DDHD1: variants seen among roughly 807,000 people sequenced by gnomAD.
The protein encoded by DDHD1 is DDHD domain containing 1, also known as phospholipase DDHD1.
DDHD1 carries 49 observed loss-of-function variants against 96.4 expected under a neutral mutation model. That is an observed-to-expected ratio of 0.51 (90% CI 0.40 to 0.64). DDHD1 has a LOEUF of 0.64. Ranked by LOEUF, DDHD1 falls within the 30% of genes least tolerant of loss-of-function variation. The probability of loss-of-function intolerance (pLI) is 0.00; values close to 1 mark genes in which losing one functional copy is unlikely to be tolerated. For missense variants in DDHD1, 1,106 were observed against 1,161.2 expected, an observed-to-expected ratio of 0.95 and a Z score of 0.69; for synonymous variants, 442 against 446.5, an observed-to-expected ratio of 0.99 and a Z score of 0.13.
intron 3 of DDHD1, 69 bp downstream of exon 3, chr14:53,093,247 C>T (rs966911348): frequency 6.8e-7 from 1 of 1,475,984 alleles, no homozygotes; most frequent in South Asian, 1.4e-5. Context: ...TATGAATTGT[C>T]TATTTTGAAT....
At chr14:53,089,538 A>G (rs1371176556) in intron 4 of DDHD1, among the ~76,000 whole-genome samples, 5 of 152,228 alleles carry the variant, frequency 3.3e-5, no homozygotes, top group Non-Finnish European at 7.3e-5. Context: ...GATCTTTGAG[A>G]AACCTGACAA....
intron 6 of DDHD1, among the ~76,000 whole-genome samples, chr14:53,072,333 GA>G (rs1270138494): frequency 6.6e-6 from 1 of 151,926 alleles, no homozygotes; most frequent in Non-Finnish European, 1.5e-5. Context: ...AACAATCATA[GA>G]TATAATTAAT....
At chr14:53,100,923 G>C (rs1321420808) in intron 2 of DDHD1, among the ~76,000 whole-genome samples, 1 of 151,800 alleles carries the variant, frequency 6.6e-6, no homozygotes, top group Non-Finnish European at 1.5e-5. Flanking sequence ...ATGTCTTCTT[G>C]TACTTACTCT....
chr14:53,068,456 G>A (rs112279171), intron 6 of DDHD1, among the ~76,000 whole-genome samples: 266 of 152,098 alleles, frequency 1.7e-3, no homozygotes, highest in African/African-American at 6.2e-3. Context: ...TGGCTATGTT[G>A]TCCAGGCTGG....
intron 6 of DDHD1, among the ~76,000 whole-genome samples, chr14:53,068,197 T>C (rs1422994460): frequency 6.6e-6 from 1 of 151,986 alleles, no homozygotes; most frequent in African/African-American, 2.4e-5. Context: ...CTCTTTAGCA[T>C]CCTTTGATCA....
At chr14:53,114,252 G>A (rs933173809) in intron 1 of DDHD1, among the ~76,000 whole-genome samples, 2 of 152,186 alleles carry the variant, frequency 1.3e-5, no homozygotes, top group African/African-American at 2.4e-5. Context: ...CATCTCCCTC[G>A]GACACAGCAC....
In DDHD1 at chr14:53,046,872, G is replaced by A; in HGVS notation, c.2599C>T (p.His867Tyr). The change falls in exon 13 of 13, where the codon CAT (histidine) becomes TAT (tyrosine). Residue 867 changes from histidine to tyrosine, a missense_variant. His to Tyr is a moderately conservative substitution (Grantham distance 83). Transcript: ENST00000673822. ...ESRYWSAVTS[H>Y]TAYWSSLDVA... ...TCCAAGGATGACCAATAGGCAGTAT[G>A]CGACGTGACAGCTGACCAATAGCGG... 1 of 1,613,874 alleles carries A rather than the reference G, an allele frequency of 6.2e-7. No individual in the cohort carries two copies. The highest frequency in any genetic ancestry group is 8.5e-7 in the Non-Finnish European group (1 of 1,179,840).
At chr14:53,143,795 C>A (rs897050367) in intron 1 of DDHD1, among the ~76,000 whole-genome samples, 3 of 152,212 alleles carry the variant, frequency 2.0e-5, no homozygotes, top group African/African-American at 2.4e-5. Flanking sequence ...ACATTGATTT[C>A]TTTATTATGG....
chr14:53,037,215 A>G lies in DDHD1; in HGVS notation c.*9553T>C, dbSNP rs551888352. On this transcript the variant is annotated 3_prime_UTR_variant, in exon 13 of 13. Transcript: ENST00000673822. ...CGTTGATCTGTCTTTGCTACTGTGA[A>G]TAGCACTGTGATGACCATATGTGTT... 2 of 152,154 alleles carry G rather than the reference A, an allele frequency of 1.3e-5. No individual in the cohort carries two copies. Among genetic ancestry groups the G allele is most frequent in the Non-Finnish European group, 2.9e-5 (2 of 68,022 alleles). The allele number at this position is 152,154 out of a possible 1,614,324, so 9.4% of individuals were successfully genotyped here.
intron 1 of DDHD1, among the ~76,000 whole-genome samples, chr14:53,149,178 A>G (rs1265922417): frequency 6.6e-6 from 1 of 152,354 alleles, no homozygotes; most frequent in Non-Finnish European, 1.5e-5. Flanking sequence ...TTTATCTGCT[A>G]GTCAAGTTCA....
intron 1 of DDHD1, among the ~76,000 whole-genome samples, chr14:53,135,493 CA>C (rs1890167548): frequency 6.6e-6 from 1 of 152,250 alleles, no homozygotes; most frequent in Admixed American, 6.5e-5. Flanking sequence ...GTGAAATAAA[CA>C]GCCTTGTTGC....
chr14:53,142,088 A>C (rs548920519), intron 1 of DDHD1, among the ~76,000 whole-genome samples: 40 of 152,328 alleles, frequency 2.6e-4, no homozygotes, highest in African/African-American at 9.4e-4. Flanking sequence ...TAACTCTTGG[A>C]AGCAGGAATG....
chr14:53,099,422 G>A (rs776628912), intron 2 of DDHD1, among the ~76,000 whole-genome samples: 5 of 152,098 alleles, frequency 3.3e-5, no homozygotes, highest in African/African-American at 4.8e-5. Context: ...TCTATTCTGT[G>A]ACAAATTCCT....
chr14:53,059,207 A>C (rs1595097187), intron 8 of DDHD1, among the ~76,000 whole-genome samples: 1 of 152,084 alleles, frequency 6.6e-6, no homozygotes, highest in East Asian at 1.9e-4. Flanking sequence ...AAATGAACTA[A>C]AGCCAAGGTG....
At chr14:53,101,484 A>C (rs770771848) in intron 2 of DDHD1, among the ~76,000 whole-genome samples, 1 of 152,120 alleles carries the variant, frequency 6.6e-6, no homozygotes, top group Non-Finnish European at 1.5e-5. Flanking sequence ...TTTTCTTCTA[A>C]TGAACCTCAA....
At chr14:53,123,115 G>GTTGTTATTATTA (rs1212862445) in intron 1 of DDHD1, among the ~76,000 whole-genome samples, 1 of 138,456 alleles carries the variant, frequency 7.2e-6, no homozygotes, top group African/African-American at 2.7e-5. Context: ...GATAATTGCT[G>GTTGTTATTATTA]TTATTATTAT....
chr14:53,041,308 G>A lies in DDHD1; in HGVS notation c.*5460C>T, dbSNP rs1881629015. The A allele has an allele frequency of 6.6e-6, 1 of 152,046 alleles. No individual in the cohort carries two copies. Among genetic ancestry groups the A allele is most frequent in the Non-Finnish European group, 1.5e-5 (1 of 67,998 alleles). 9.4% of individuals were successfully genotyped at this position (152,046 alleles called of 1,614,324 possible). On this transcript the variant is annotated 3_prime_UTR_variant, in exon 13 of 13. Coordinates refer to ENST00000673822, the MANE Select transcript of DDHD1 (RefSeq NM_001160148.2). ...AGCAGACAATACTAAGCATGCACCC[G>A]CCCTTATACAAACACAAAGGCAGAG... is the stretch of plus-strand genomic sequence containing the variant.
At chr14:53,143,727 G>A (rs1566606468) in intron 1 of DDHD1, among the ~76,000 whole-genome samples, 1 of 152,220 alleles carries the variant, frequency 6.6e-6, no homozygotes, top group Non-Finnish European at 1.5e-5. Flanking sequence ...GCTTGGACCA[G>A]TATAAGCATG....
At chr14:53,128,377 T>C (rs948154195) in intron 1 of DDHD1, among the ~76,000 whole-genome samples, 2 of 152,176 alleles carry the variant, frequency 1.3e-5, no homozygotes. Context: ...AAGTCTAAGA[T>C]CAAGGCACCA....
Sources: gnomAD v4.1 joint callset for allele counts (sites outside exome capture counted in the v4.1 genomes callset) on GRCh38, gnomAD v4.1.1 for gene constraint, MANE v1.5 for transcripts, NCBI Gene and HGNC (gene_info 2026-07-23, HGNC 2026-07-21) for gene names.